TAOK1: variants seen among roughly 807,000 people sequenced by gnomAD.
TAOK1 encodes the protein TAO kinase 1, also known as serine/threonine-protein kinase TAO1.
A neutral mutation model predicts 138.3 loss-of-function variants in TAOK1; 21 were observed. The observed-to-expected ratio is 0.15, with a 90% CI of 0.11 to 0.22. The LOEUF (loss-of-function observed/expected upper bound fraction) is 0.22, where lower values mean the gene tolerates loss of function less well. TAOK1 is among the 10% of genes least tolerant of loss of function. The probability of loss-of-function intolerance (pLI) is 1.00; values close to 1 mark genes in which losing one functional copy is unlikely to be tolerated. For missense variants in TAOK1, 651 were observed against 1,227.7 expected (o/e 0.53, Z 7.02); for synonymous variants, 361 against 398.4 (o/e 0.91, Z 1.12).
Position 29,492,723 on chromosome 17 carries a change from C to T in TAOK1, c.831+858C>T, listed in dbSNP as rs576130917. 2.0e-4 allele frequency among the ~76,000 whole-genome samples: 30 copies of T among 152,092 alleles called. No individual in the cohort carries two copies. In the East Asian group the frequency reaches 5.2e-3, roughly 26 times the overall value. On this transcript the variant is annotated intron_variant, in intron 10 of 19. Transcript: ENST00000261716. ...AGGAGAATCGCTTGAACCTGGGAGG[C>T]GGAGGTAGTGGTGAGCCGAGATTGC...
rs1040581710 is a variant in TAOK1, at chr17:29,545,894, G to C, written c.*2872G>C. Reference sequence around the variant, plus strand: ...GGAAAATTTGTCTAGCATATCAGAAGTTGTAAATGCTATATCTGGTATCCA... The same window carrying C: ...GGAAAATTTGTCTAGCATATCAGAACTTGTAAATGCTATATCTGGTATCCA... On this transcript the variant is annotated 3_prime_UTR_variant, in exon 20 of 20. Coordinates refer to ENST00000261716, the MANE Select transcript of TAOK1 (RefSeq NM_020791.4). The C allele has an allele frequency of 1.3e-5, 2 of 152,136 alleles. No homozygotes were observed. Among genetic ancestry groups the C allele is most frequent in the African/African-American group, 4.8e-5 (2 of 41,438 alleles). The allele number at this position is 152,136 out of a possible 1,614,324, so 9.4% of individuals were successfully genotyped here.
intron 11 of TAOK1, among the ~76,000 whole-genome samples, chr17:29,497,714 C>A (rs376445799): frequency 0.011 from 1,121 of 99,172 alleles, no homozygotes; most frequent in South Asian, 0.012. Flanking sequence ...TATTGAAATA[C>A]AAAAAAAAAA....
At chr17:29,428,088 A>G (rs566670691) in intron 1 of TAOK1, among the ~76,000 whole-genome samples, 6 of 152,304 alleles carry the variant, frequency 3.9e-5, no homozygotes, top group Admixed American at 2.6e-4. Context: ...ATAAGTGCCA[A>G]CCGTTTTTTT....
At chr17:29,440,671 G>C (rs2029917844) in intron 1 of TAOK1, among the ~76,000 whole-genome samples, 1 of 152,026 alleles carries the variant, frequency 6.6e-6, no homozygotes, top group Admixed American at 6.6e-5. Flanking sequence ...TGCCTCCTGG[G>C]TTCAAGCAAT....
intron 1 of TAOK1, among the ~76,000 whole-genome samples, chr17:29,402,993 C>CAAA (rs1179657750): frequency 7.9e-6 from 1 of 126,578 alleles, no homozygotes; most frequent in South Asian, 2.5e-4. Context: ...AACTTAGTCT[C>CAAA]AAAAAAAAAA....
intron 7 of TAOK1, among the ~76,000 whole-genome samples, chr17:29,481,993 A>G (rs964934404): frequency 1.3e-5 from 2 of 152,076 alleles, no homozygotes; most frequent in South Asian, 4.1e-4. Flanking sequence ...ATAAATAAAT[A>G]CATAAATCTC....
At chr17:29,423,031 A>G (rs1697439979) in intron 1 of TAOK1, among the ~76,000 whole-genome samples, 4 of 151,980 alleles carry the variant, frequency 2.6e-5, no homozygotes, top group African/African-American at 4.8e-5. Flanking sequence ...TTTCAACGAC[A>G]ACAACAAAAA....
chr17:29,447,307 T>C (rs1464577740), intron 1 of TAOK1, among the ~76,000 whole-genome samples: 2 of 152,110 alleles, frequency 1.3e-5, no homozygotes, highest in Non-Finnish European at 2.9e-5. Flanking sequence ...GGATATTAAC[T>C]CTTATGTAAG....
At chr17:29,447,594 CT>C (rs2030119175) in intron 1 of TAOK1, among the ~76,000 whole-genome samples, 1 of 151,976 alleles carries the variant, frequency 6.6e-6, no homozygotes, top group South Asian at 2.1e-4. Context: ...CAACCGTGGC[CT>C]CCGAAAGTGT....
chr17:29,448,844 A>G (rs942779436), intron 1 of TAOK1, among the ~76,000 whole-genome samples: 1 of 152,220 alleles, frequency 6.6e-6, no homozygotes, highest in African/African-American at 2.4e-5. Flanking sequence ...AGATGATACA[A>G]AAATGAATGA....
intron 4 of TAOK1, among the ~76,000 whole-genome samples, chr17:29,476,286 A>G (rs933436941): frequency 6.6e-6 from 1 of 152,196 alleles, no homozygotes; most frequent in African/African-American, 2.4e-5. Flanking sequence ...CTTATTTTGA[A>G]TAATTAATAA....
intron 2 of TAOK1, among the ~76,000 whole-genome samples, chr17:29,454,582 T>A (rs1443576168): frequency 1.3e-5 from 2 of 152,178 alleles, no homozygotes; most frequent in Admixed American, 6.5e-5. Context: ...TTCTGATCCA[T>A]GAACACAGAA....
At chr17:29,498,238 C>A in intron 11 of TAOK1, 80 bp from the exon 12 acceptor site, 1 of 1,440,198 alleles carries the variant, frequency 6.9e-7, no homozygotes. Flanking sequence ...AAGTGGTATG[C>A]TAGGTGCTTA....
chr17:29,437,293 G>A (rs1293584929), intron 1 of TAOK1, among the ~76,000 whole-genome samples: 8 of 151,692 alleles, frequency 5.3e-5, no homozygotes, highest in Non-Finnish European at 1.0e-4. Flanking sequence ...CAAGCTCCTG[G>A]CATTGTGATC....
At chr17:29,502,067 C>G (rs1286516290) in intron 12 of TAOK1, among the ~76,000 whole-genome samples, 2 of 152,148 alleles carry the variant, frequency 1.3e-5, no homozygotes, top group Non-Finnish European at 2.9e-5. Flanking sequence ...ATCAGTCAAT[C>G]TAGTCATGTG....
At chr17:29,529,575 T>C (rs2032068881) in intron 17 of TAOK1, among the ~76,000 whole-genome samples, 1 of 151,854 alleles carries the variant, frequency 6.6e-6, no homozygotes, top group Non-Finnish European at 1.5e-5. Flanking sequence ...CTACAAAAAA[T>C]ACAAAAATTG....
intron 16 of TAOK1, among the ~76,000 whole-genome samples, chr17:29,518,566 C>T (rs2031859381): frequency 6.6e-6 from 1 of 152,144 alleles, no homozygotes; most frequent in Admixed American, 6.6e-5. Context: ...TTCACAAAAC[C>T]ATGTGTTTCT....
chr17:29,495,506 T>C (rs1261615078), intron 10 of TAOK1, 54 bp from the exon 11 acceptor site: 15 of 1,453,518 alleles, frequency 1.0e-5, no homozygotes, highest in Middle Eastern at 1.8e-4. Flanking sequence ...TGAGAAGGAG[T>C]ACCTTGTCAC....
rs769041105 is a variant in TAOK1, at chr17:29,510,860, A to G, written c.1576-4A>G. On this transcript the variant is annotated splice_polypyrimidine_tract_variant and splice_region_variant and intron_variant, in intron 14 of 19. Transcript: ENST00000261716. ...ATTTGATTCATTTTTTAAACTTCAT[A>G]TAGGCTAAAGTGATGTCCAATGAAG... 21 of 1,576,366 alleles carry G rather than the reference A, an allele frequency of 1.3e-5. No individual in the cohort carries two copies. The East Asian group carries it at 4.1e-4, about 31-fold the overall frequency.
Sources: allele counts gnomAD v4.1 joint callset (sites outside exome capture counted in the v4.1 genomes callset), GRCh38; gene constraint gnomAD v4.1.1; transcripts MANE v1.5; gene names NCBI Gene and HGNC (gene_info 2026-07-23, HGNC 2026-07-21).